Variants in ADD1 observed in about 807,000 individuals in gnomAD.
ADD1 encodes adducin 1, also known as alpha-adducin.
In ADD1, 24 loss-of-function variants were observed where a neutral mutation model predicts 80.5. That is an observed-to-expected ratio of 0.30 (90% CI 0.22 to 0.42). The LOEUF is 0.42. ADD1 is among the 10% of genes least tolerant of loss of function. The probability of loss-of-function intolerance (pLI) is 1.00; values close to 1 mark genes in which losing one functional copy is unlikely to be tolerated. For synonymous variants in ADD1, 373 were observed against 393.8 expected (o/e 0.95, Z 0.63); for missense variants, 948 against 1,019.0 (o/e 0.93, Z 0.95).
chr4:2,893,089 CTATTT>C (rs201882247), intron 4 of ADD1, among the ~76,000 whole-genome samples: 150 of 151,764 alleles, frequency 9.9e-4, no homozygotes, highest in African/African-American at 3.5e-3. Context: ...GCCAAGTTGT[CTATTT>C]TATTTTATTT....
intron 6 of ADD1, among the ~76,000 whole-genome samples, chr4:2,896,576 C>T (rs1735275077): frequency 6.6e-6 from 1 of 152,108 alleles, no homozygotes; most frequent in African/African-American, 2.4e-5. Flanking sequence ...GTTTGTTTCA[C>T]TCTGAACATA....
At chr4:2,914,814 C>T (rs1309422043) in intron 13 of ADD1, 70 bp from the exon 14 acceptor site, 20 of 1,516,132 alleles carry the variant, frequency 1.3e-5, no homozygotes, top group Non-Finnish European at 1.4e-5. Flanking sequence ...CTGCCTGCAG[C>T]CTGCCTGGGA....
intron 2 of ADD1, among the ~76,000 whole-genome samples, chr4:2,876,838 CAA>C (rs35435678): frequency 3.1e-5 from 4 of 128,086 alleles, no homozygotes; most frequent in Admixed American, 8.0e-5. Flanking sequence ...GACTCCGTCC[CAA>C]AAAAAAAAAA....
intron 1 of ADD1, among the ~76,000 whole-genome samples, chr4:2,852,886 A>G (rs58968769): frequency 1.3e-5 from 2 of 150,736 alleles, no homozygotes; most frequent in Non-Finnish European, 3.0e-5. Flanking sequence ...TTTTTTTTTT[A>G]GTAGAGCCAA....
rs1296232289 is a variant in ADD1, at chr4:2,926,764, C to G, written c.2047+652C>G. On this transcript the variant is annotated intron_variant, in intron 15 of 15. Transcript: ENST00000683351. The surrounding 1 kb of genome is among the most constrained non-coding windows in gnomAD (Gnocchi z 5.0). ...TTTGTTGTTTATTAAGTTTTGTTTT[C>G]TGTTTATTTAAAATAAAAACAGAAG... The G allele has an allele frequency of 7.0e-7, 1 of 1,435,744 alleles. No homozygotes were observed. Among genetic ancestry groups the G allele is most frequent in the African/African-American group, 1.4e-5 (1 of 69,662 alleles). 88.9% of individuals were successfully genotyped at this position (1,435,744 alleles called of 1,614,324 possible).
chr4:2,893,470 G>A (rs1007036779), intron 4 of ADD1, among the ~76,000 whole-genome samples: 7 of 151,894 alleles, frequency 4.6e-5, no homozygotes, highest in African/African-American at 1.7e-4. Context: ...ATAATTAGCT[G>A]GTCACAGTAT....
rs913488382 is a variant in ADD1 at position 2,899,826 on chromosome 4, T to TG, written c.1161+395dup. ...GTCTTAACAGCAAATCCTGGCTGTCTGGGGCCTGATGACTGTGTTCCATGG... is the reference window on the plus strand; with the variant it reads ...GTCTTAACAGCAAATCCTGGCTGTCTGGGGGCCTGATGACTGTGTTCCATGG... On this transcript the variant is annotated intron_variant, in intron 9 of 15. Transcript: ENST00000683351. 4.2e-5 allele frequency: 14 copies of TG among 337,266 alleles called. 1 individual carries two copies. The highest frequency in any genetic ancestry group is 2.6e-4 in the African/African-American group (12 of 46,178). 20.9% of individuals were successfully genotyped at this position (337,266 alleles called of 1,614,324 possible). A position where few individuals can be genotyped will look rare whatever the true frequency, so the allele number is the denominator to read the frequency against.
intron 1 of ADD1, among the ~76,000 whole-genome samples, chr4:2,870,975 T>C (rs915167808): frequency 3.3e-5 from 5 of 151,288 alleles, no homozygotes; most frequent in East Asian, 1.9e-4. Context: ...TTCTTTCTTT[T>C]TTTTTTTTTT....
intron 4 of ADD1, among the ~76,000 whole-genome samples, chr4:2,889,030 T>C (rs978262794): frequency 6.6e-6 from 1 of 152,204 alleles, no homozygotes; most frequent in African/African-American, 2.4e-5. Context: ...AAAATTTAGA[T>C]GGAAGAGCGG....
intron 1 of ADD1, among the ~76,000 whole-genome samples, chr4:2,856,055 TAAA>T (rs35673788): frequency 8.6e-5 from 12 of 139,808 alleles, no homozygotes; most frequent in East Asian, 2.1e-4. Flanking sequence ...AGTTCTTTTT[TAAA>T]AAAAAAAAAA....
intron 1 of ADD1, among the ~76,000 whole-genome samples, chr4:2,862,116 A>T (rs1437968051): frequency 1.3e-5 from 2 of 152,178 alleles, no homozygotes; most frequent in East Asian, 3.9e-4. Flanking sequence ...TGGATAGAAG[A>T]GGTAGAACAG....
chr4:2,852,306 CTTTT>C (rs1171852927), intron 1 of ADD1, among the ~76,000 whole-genome samples: 5 of 60,392 alleles, frequency 8.3e-5, no homozygotes, highest in African/African-American at 1.8e-4. Context: ...CTTTTCTTTT[CTTTT>C]TTTTCTTTTC....
chr4:2,928,269 G>A lies in ADD1; in HGVS notation c.2146G>A (p.Gly716Ser), dbSNP rs752304430. ...CCCTGATGAACCTTCAGAAGCACTC[G>A]GCTTCCCAATGTTAGAGAAGGAGGA... The part of the protein sequence containing the change: ...LSPDEPSEAL[G>S]FPMLEKEEEA... The change falls in exon 16 of 16, where the codon GGC becomes AGC. Residue 716 changes from glycine (G) to serine (S), a missense_variant. Coordinates refer to ENST00000683351, the MANE Select transcript of ADD1 (RefSeq NM_001354761.2). The A allele has an allele frequency of 5.6e-6, 9 of 1,613,858 alleles. No individual in the cohort carries two copies. The highest frequency in any genetic ancestry group is 2.2e-5 in the East Asian group (1 of 44,860).
chr4:2,901,507 T>G (rs1736172121), intron 9 of ADD1: 1 of 152,220 alleles, frequency 6.6e-6, no homozygotes. Context: ...TACAGATTGT[T>G]TTAATATTAG....
At chr4:2,880,760 C>T (rs1279432164) in intron 2 of ADD1, among the ~76,000 whole-genome samples, 2 of 152,026 alleles carry the variant, frequency 1.3e-5, no homozygotes, top group African/African-American at 2.4e-5. Flanking sequence ...CAGGCGTGAG[C>T]CACCATGCCT....
rs568872978 is a variant in ADD1, at chr4:2,864,416, AAAAAC to A, written c.-20-11460_-20-11456del. Among the ~76,000 whole-genome samples the A allele has an allele frequency of 6.4e-4, 98 of 152,338 alleles. 2 individuals carry two copies. Among genetic ancestry groups the A allele is most frequent in the African/African-American group, 1.9e-3 (78 of 41,570 alleles). On this transcript the variant is annotated intron_variant, in intron 1 of 15. Transcript: ENST00000683351. ...GGTGACAGAGCGAGACTCCGCCTCAAAAAACAAAACAAAACAAAACAAAAAACAGG... is the reference window on the plus strand; with the variant it reads ...GGTGACAGAGCGAGACTCCGCCTCAAAAAACAAAACAAAACAAAAAACAGG...
chr4:2,860,814 C>G (rs1185496917), intron 1 of ADD1, among the ~76,000 whole-genome samples: 2 of 152,176 alleles, frequency 1.3e-5, no homozygotes, highest in African/African-American at 4.8e-5. Flanking sequence ...GTGGAAACTT[C>G]CACCAGGGAA....
At chr4:2,845,217 C>T (rs568826376) in intron 1 of ADD1, among the ~76,000 whole-genome samples, 2 of 152,182 alleles carry the variant, frequency 1.3e-5, no homozygotes, top group African/African-American at 4.8e-5. Context: ...GGACTACAGG[C>T]GCGCGCCACC....
intron 1 of ADD1, among the ~76,000 whole-genome samples, chr4:2,866,051 T>G (rs979635910): frequency 2.6e-4 from 40 of 152,368 alleles, no homozygotes; most frequent in Admixed American, 6.5e-4. Context: ...AAATTATTTC[T>G]AGATTCACTC....
Sources: gnomAD v4.1 joint callset for allele counts (sites outside exome capture counted in the v4.1 genomes callset) on GRCh38, gnomAD v4.1.1 for gene constraint, Gnocchi (gnomAD v3.1) non-coding constraint, MANE v1.5 for transcripts, NCBI Gene and HGNC (gene_info 2026-07-23, HGNC 2026-07-21) for gene names.